PCNX2: variants seen among roughly 807,000 people sequenced by gnomAD.
PCNX2 encodes pecanex-like protein 2.
A neutral mutation model predicts 223.8 loss-of-function variants in PCNX2; 168 were observed. That is an observed-to-expected ratio of 0.75 (90% confidence interval 0.66 to 0.85). The LOEUF is 0.85. Ranked by LOEUF, PCNX2 falls within the 40% of genes least tolerant of loss-of-function variation. The pLI is 0.00. For missense variants in PCNX2, 2,507 were observed against 2,675.5 expected (o/e 0.94, Z 1.39); for synonymous variants, 1,006 against 1,052.6 (o/e 0.96, Z 0.86).
chr1:232,984,454 G>C lies in PCNX2; in HGVS notation c.6264C>G (p.Pro2088=). 1 of 1,613,384 alleles carries C rather than the reference G, an allele frequency of 6.2e-7. No homozygotes were observed. Among genetic ancestry groups the C allele is most frequent in the Non-Finnish European group, 8.5e-7 (1 of 1,179,710 alleles). ...ATRHLSEPCE[P]PDATEQGQLH... is the part of the protein sequence containing the mutation. ...GCTGCCCCTGCTCGGTGGCATCAGGGGGCTCACATGGCTCGGAGAGGTGCT... is the reference window on the plus strand; with the variant it reads ...GCTGCCCCTGCTCGGTGGCATCAGGCGGCTCACATGGCTCGGAGAGGTGCT... The change falls in exon 34 of 34, where the codon CCC becomes CCG. Residue 2088 remains proline, a synonymous_variant. Transcript: ENST00000258229.
chr1:233,020,780 G>A (rs1160438298), intron 26 of PCNX2, among the ~76,000 whole-genome samples: 3 of 152,202 alleles, frequency 2.0e-5, no homozygotes, highest in African/African-American at 4.8e-5. Context: ...GAGGAGACAC[G>A]AGGGAAAACC....
Position 233,106,426 on chromosome 1 carries a change from C to T in PCNX2, c.3838-10563G>A, listed in dbSNP as rs185470658. ...GGAATGCAGTGATGCAATCTTGGCTCGCTGCAACCTCTGCCTCCCACGTTC... is the reference window on the plus strand; with the variant it reads ...GGAATGCAGTGATGCAATCTTGGCTTGCTGCAACCTCTGCCTCCCACGTTC... On this transcript the variant is annotated intron_variant, in intron 21 of 33. Coordinates refer to ENST00000258229, the MANE Select transcript of PCNX2 (RefSeq NM_014801.4). 7.5e-5 allele frequency among the ~76,000 whole-genome samples: 11 copies of T among 146,580 alleles called. No homozygotes were observed. In the East Asian group the frequency reaches 1.2e-3, roughly 16 times the overall value.
intron 25 of PCNX2, chr1:233,047,290 A>G: frequency 2.5e-6 from 2 of 795,010 alleles, no homozygotes; most frequent in African/African-American, 1.9e-5. Context: ...AGATGAGACC[A>G]GAACATTTAT....
chr1:233,049,361 A>T (rs919476441), intron 25 of PCNX2, among the ~76,000 whole-genome samples: 8 of 152,232 alleles, frequency 5.3e-5, no homozygotes, highest in Non-Finnish European at 1.5e-5. Flanking sequence ...GATTCATCAC[A>T]TAAACAGAAT....
At chr1:233,030,481 G>T (rs1671224620) in intron 25 of PCNX2, among the ~76,000 whole-genome samples, 1 of 152,054 alleles carries the variant, frequency 6.6e-6, no homozygotes, top group African/African-American at 2.4e-5. Context: ...CTTGTTATAT[G>T]CTAGATATCA....
intron 25 of PCNX2, among the ~76,000 whole-genome samples, chr1:233,037,407 C>T (rs1375847151): frequency 5.3e-5 from 8 of 152,172 alleles, no homozygotes; most frequent in African/African-American, 1.2e-4. Flanking sequence ...TCATAGCTCA[C>T]TGTCACTCAA....
intron 10 of PCNX2, among the ~76,000 whole-genome samples, chr1:233,219,507 C>G (rs1657239984): frequency 6.6e-6 from 1 of 152,086 alleles, no homozygotes; most frequent in Non-Finnish European, 1.5e-5. Flanking sequence ...TCTGAGTATA[C>G]TTCTCACCTT....
Position 233,295,574 on chromosome 1 carries a change from G to C in PCNX2, c.-96C>G. 1 of 1,246,406 alleles carries C rather than the reference G, an allele frequency of 8.0e-7. No individual in the cohort carries two copies. Among genetic ancestry groups the C allele is most frequent in the Non-Finnish European group, 1.0e-6 (1 of 985,648 alleles). 77.2% of individuals were successfully genotyped at this position (1,246,406 alleles called of 1,614,324 possible). The stretch of plus-strand genomic sequence containing the variant: ...CTCAGGTCTAACACCCGGGCCCGCG[G>C]GCCGCGCCCCCGCCGTCGCCGCCGC... On this transcript the variant is annotated 5_prime_UTR_variant, in exon 1 of 34. Transcript: ENST00000258229. The surrounding 1 kb of genome is among the most constrained non-coding windows in gnomAD (Gnocchi z 4.1).
At chr1:233,007,566 C>T (rs1165235292) in intron 28 of PCNX2, among the ~76,000 whole-genome samples, 1 of 152,106 alleles carries the variant, frequency 6.6e-6, no homozygotes, top group Non-Finnish European at 1.5e-5. Flanking sequence ...GAGACGGAGT[C>T]TCTCTCTGTT....
chr1:233,032,611 G>C (rs1426567775), intron 25 of PCNX2, among the ~76,000 whole-genome samples: 1 of 151,752 alleles, frequency 6.6e-6, no homozygotes, highest in African/African-American at 2.4e-5. Context: ...ATTAAACTGG[G>C]AGGGCTGATT....
chr1:233,243,893 G>T (rs1263225572), intron 8 of PCNX2, among the ~76,000 whole-genome samples: 2 of 151,946 alleles, frequency 1.3e-5, no homozygotes, highest in African/African-American at 4.8e-5. Context: ...GTGCAGTGAC[G>T]TGATCTCGGC....
chr1:233,215,054 G>C (rs1682042246), intron 12 of PCNX2, among the ~76,000 whole-genome samples: 1 of 152,120 alleles, frequency 6.6e-6, no homozygotes, highest in East Asian at 1.9e-4. Flanking sequence ...GTGCAAAATA[G>C]TGCCGTCTGA....
chr1:233,178,659 G>A (rs933400031), intron 16 of PCNX2, among the ~76,000 whole-genome samples: 1 of 152,138 alleles, frequency 6.6e-6, no homozygotes, highest in African/African-American at 2.4e-5. Context: ...CAGAGGTGCT[G>A]GTTTAGTCTC....
At chr1:233,256,663 T>C (rs542024060) in intron 5 of PCNX2, among the ~76,000 whole-genome samples, 2 of 152,336 alleles carry the variant, frequency 1.3e-5, no homozygotes, top group South Asian at 4.1e-4. Flanking sequence ...ACTGCAGATA[T>C]GGAATATTTC....
rs141188016 is a variant in PCNX2, at chr1:233,269,657, A to T, written c.154-6494T>A. Among the ~76,000 whole-genome samples, 668 of 152,304 alleles carry T rather than the reference A, an allele frequency of 4.4e-3. 4 individuals are homozygous for T. The highest frequency in any genetic ancestry group is 0.016 in the African/African-American group (651 of 41,570). On this transcript the variant is annotated intron_variant, in intron 1 of 33. Coordinates refer to ENST00000258229, the MANE Select transcript of PCNX2 (RefSeq NM_014801.4). ...AATTGAGTTTTCCTGCTTAAAGGTTAAGTTTCAAATAATTTGAAAAATGTT... is the reference window on the plus strand; with the variant it reads ...AATTGAGTTTTCCTGCTTAAAGGTTTAGTTTCAAATAATTTGAAAAATGTT...
chr1:233,172,785 A>G (rs543968103), intron 17 of PCNX2, among the ~76,000 whole-genome samples: 32 of 152,274 alleles, frequency 2.1e-4, no homozygotes, highest in Admixed American at 9.8e-4. Context: ...ATTCAGGAAG[A>G]GTTTTTTTGT....
chr1:233,124,400 G>T (rs58954355), intron 21 of PCNX2, among the ~76,000 whole-genome samples: 2 of 152,074 alleles, frequency 1.3e-5, no homozygotes, highest in Non-Finnish European at 2.9e-5. Flanking sequence ...ATTCTTCAGC[G>T]CAGTGAGGGA....
At chr1:233,289,417 G>A in intron 1 of PCNX2, 2 of 1,422,088 alleles carry the variant, frequency 1.4e-6, no homozygotes, top group Non-Finnish European at 2.0e-6. Context: ...TCGCCATTAG[G>A]CTTCACGATC....
intron 21 of PCNX2, among the ~76,000 whole-genome samples, chr1:233,120,164 C>CAAAAAAAAAAAAAAAAAAAAGAAAAAA (rs1675693262): frequency 7.0e-5 from 3 of 42,646 alleles, no homozygotes; most frequent in East Asian, 7.2e-4. Flanking sequence ...GACTCCATTT[C>CAAAAAAAAAAAAAAAAAAAAGAAAAAA]AAAAAAAAAA....
Sources: gnomAD v4.1 joint callset for allele counts (sites outside exome capture counted in the v4.1 genomes callset) on GRCh38, gnomAD v4.1.1 for gene constraint, Gnocchi (gnomAD v3.1) non-coding constraint, MANE v1.5 for transcripts, NCBI Gene and HGNC (gene_info 2026-07-23, HGNC 2026-07-21) for gene names.